RNF10: variants seen among roughly 807,000 people sequenced by gnomAD.
RNF10 encodes E3 ubiquitin-protein ligase RNF10.
Under a neutral mutation model 91.4 loss-of-function variants are expected in RNF10, and 38 were observed. The observed-to-expected ratio is 0.42, with a 90% CI of 0.32 to 0.54. RNF10 has a LOEUF of 0.54. Ranked by LOEUF, RNF10 falls within the 20% of genes least tolerant of loss-of-function variation. RNF10 has a pLI of 0.16. For missense variants in RNF10, 945 were observed against 1,012.0 expected (o/e 0.93, Z 0.90); for synonymous variants, 364 against 366.3 (o/e 0.99, Z 0.07).
chr12:120,556,663 T>G lies in RNF10; in HGVS notation c.646-619T>G, dbSNP rs1432112694. 2.6e-5 allele frequency among the ~76,000 whole-genome samples: 4 copies of G among 152,092 alleles called. No homozygotes were observed. The East Asian group carries it at 7.7e-4, about 29-fold the overall frequency. On this transcript the variant is annotated intron_variant, in intron 4 of 16. Coordinates refer to ENST00000325954, the MANE Select transcript of RNF10 (RefSeq NM_014868.5). ...AAATGAAGTCTTTTTAATGCGTTCT[T>G]TGTTGGAAGTTACTGGTAGATTACT...
intron 4 of RNF10, among the ~76,000 whole-genome samples, chr12:120,555,955 A>G (rs1873935463): frequency 6.6e-6 from 1 of 151,472 alleles, no homozygotes; most frequent in East Asian, 2.0e-4. Context: ...TGCCTGGCTA[A>G]TTTTTGTATT....
In RNF10 at chr12:120,546,539, C is replaced by CA; in HGVS notation, c.295dup (p.Arg99LysfsTer10). On this transcript the variant is annotated frameshift_variant, in exon 2 of 17. Transcript: ENST00000325954. LOFTEE classifies it high-confidence loss of function. Reference sequence around the variant, plus strand: ...CAAGACTTTTAACAAGATGCCTCCTCAAAGGGGCGGCGGCAGCAGCAAACT... The same window carrying CA: ...CAAGACTTTTAACAAGATGCCTCCTCAAAAGGGGCGGCGGCAGCAGCAAACT... The CA allele has an allele frequency of 6.2e-7, 1 of 1,614,190 alleles. No homozygotes were observed. Among genetic ancestry groups the CA allele is most frequent in the Non-Finnish European group, 8.5e-7 (1 of 1,180,032 alleles).
chr12:120,573,885 GC>G (rs1277040321), intron 14 of RNF10, among the ~76,000 whole-genome samples: 1 of 152,218 alleles, frequency 6.6e-6, no homozygotes, highest in Admixed American at 6.5e-5. Context: ...AGGCTGGAGT[GC>G]CCAGGGTTGT....
chr12:120,564,012 G>A (rs1875311175), intron 10 of RNF10, 69 bp downstream of exon 10: 1 of 1,574,430 alleles, frequency 6.4e-7, no homozygotes, highest in Non-Finnish European at 8.7e-7. Flanking sequence ...GGTAGGCCTA[G>A]CCATCCTAAG....
In RNF10 at chr12:120,566,900, C is replaced by T. The variant is rs749381533; in HGVS notation, c.1961C>T (p.Ser654Phe). ...AATTCTTATACCTGCTCCTCTGATT[C>T]TGCTTTGGGTCCCACCAGCACCGAG... Reference protein sequence around the residue: ...AFNSYTCSSDSALGPTSTEGH... With the variant: ...AFNSYTCSSDFALGPTSTEGH... The change falls in exon 13 of 17, where the codon TCT becomes TTT. Residue 654 changes from serine to phenylalanine, a missense_variant. By Grantham distance (155) the Ser-to-Phe change is radical. Coordinates refer to ENST00000325954, the MANE Select transcript of RNF10 (RefSeq NM_014868.5). 1 of 1,614,014 alleles carries T rather than the reference C, an allele frequency of 6.2e-7. No individual in the cohort carries two copies. Among genetic ancestry groups the T allele is most frequent in the South Asian group, 1.1e-5 (1 of 91,062 alleles).
chr12:120,567,024 T>C, intron 13 of RNF10, 44 bp downstream of exon 13: 1 of 1,570,068 alleles, frequency 6.4e-7, no homozygotes, highest in Non-Finnish European at 8.6e-7. Context: ...AGTTAGACCT[T>C]ATGCAAAGCT....
chr12:120,575,076 TAA>T (rs56774004), intron 14 of RNF10: 457 of 151,514 alleles, frequency 3.0e-3, no homozygotes, highest in South Asian at 7.4e-3. Flanking sequence ...CCGTCTCTAC[TAA>T]AAAAAAAAAA....
rs879239725 is a variant in RNF10, at chr12:120,557,373, G to C, written c.737G>C (p.Trp246Ser). Residue 246 changes from tryptophan (W) to serine (S), a missense_variant, in exon 5 of 17, where the codon TGG (tryptophan) becomes TCG (serine). Physicochemically the swap from Trp to Ser is radical, Grantham distance 177. Transcript: ENST00000325954. Reference sequence around the variant, plus strand: ...ACCCGTTGTGGACACATCTTCTGCTGGGCATGCATCCTGCACTATCTTTCA... The same window carrying C: ...ACCCGTTGTGGACACATCTTCTGCTCGGCATGCATCCTGCACTATCTTTCA... ...KITRCGHIFC[W>S]ACILHYLSLS... 6.2e-7 allele frequency: 1 copy of C among 1,614,150 alleles called. No homozygotes were observed. Among genetic ancestry groups the C allele is most frequent in the Non-Finnish European group, 8.5e-7 (1 of 1,180,034 alleles).
At position 120,552,620 on chromosome 12, in the gene RNF10, G is replaced by A; in HGVS notation, c.476G>A (p.Gly159Asp). The change falls in exon 3 of 17, where the codon GGC becomes GAC. Residue 159 changes from glycine to aspartate, a missense_variant. Coordinates refer to ENST00000325954, the MANE Select transcript of RNF10 (RefSeq NM_014868.5). ...EPRGQTGHFE[G>D]SGHGSWGKRN... Reference sequence around the variant, plus strand: ...CGTGGCCAGACGGGTCACTTTGAAGGCAGTGGACATGGTAGCTGGGGAAAG... The same window carrying A: ...CGTGGCCAGACGGGTCACTTTGAAGACAGTGGACATGGTAGCTGGGGAAAG... 1 of 1,614,162 alleles carries A rather than the reference G, an allele frequency of 6.2e-7. No homozygotes were observed. Among genetic ancestry groups the A allele is most frequent in the Non-Finnish European group, 8.5e-7 (1 of 1,180,020 alleles).
intron 1 of RNF10, among the ~76,000 whole-genome samples, chr12:120,543,245 G>A (rs1871826026): frequency 6.6e-6 from 1 of 152,122 alleles, no homozygotes; most frequent in Non-Finnish European, 1.5e-5. Flanking sequence ...AGGTACTTTA[G>A]TATAGTTATA....
intron 2 of RNF10, among the ~76,000 whole-genome samples, chr12:120,552,256 G>A (rs1189577511): frequency 6.6e-6 from 1 of 151,946 alleles, no homozygotes; most frequent in African/African-American, 2.4e-5. Context: ...TCAGCTGGGT[G>A]TGGTTTAATC....
chr12:120,565,648 A>G (rs769822261), intron 12 of RNF10, 119 bp downstream of exon 12: 18 of 772,832 alleles, frequency 2.3e-5, no homozygotes, highest in Non-Finnish European at 3.7e-5. Context: ...TTAAATGTGA[A>G]TCATGAGAGC....
At chr12:120,552,379 G>GACA in intron 2 of RNF10, 120 bp from the exon 3 acceptor site, 1 of 783,758 alleles carries the variant, frequency 1.3e-6, no homozygotes, top group South Asian at 1.8e-5. Context: ...CAGCCTGGAT[G>GACA]ACAGAGTAAG....
chr12:120,573,839 AC>A (rs989272865), intron 14 of RNF10, among the ~76,000 whole-genome samples: 1 of 152,196 alleles, frequency 6.6e-6, no homozygotes, highest in Non-Finnish European at 1.5e-5. Flanking sequence ...AACTGGACAC[AC>A]CAGCTACTTC....
chr12:120,570,514 T>C (rs889098213), intron 13 of RNF10, among the ~76,000 whole-genome samples: 2 of 152,144 alleles, frequency 1.3e-5, no homozygotes, highest in African/African-American at 4.8e-5. Flanking sequence ...TTAATGTATT[T>C]AAGCAAGAGC....
At chr12:120,563,158 C>G in intron 8 of RNF10, 88 bp downstream of exon 8, 1 of 1,579,348 alleles carries the variant, frequency 6.3e-7, no homozygotes, top group Non-Finnish European at 8.7e-7. Context: ...TAAACCTTCT[C>G]AAGAGAAGAG....
chr12:120,554,795 TTG>T lies in RNF10; in HGVS notation c.635_636del (p.Val212GlyfsTer7). 1.2e-6 allele frequency: 2 copies of T among 1,613,938 alleles called. No homozygotes were observed. The highest frequency in any genetic ancestry group is 2.2e-5 in the South Asian group (2 of 91,082). On this transcript the variant is annotated frameshift_variant, in exon 4 of 17. Coordinates refer to ENST00000325954, the MANE Select transcript of RNF10 (RefSeq NM_014868.5). LOFTEE classifies it high-confidence loss of function. ...CCTGATACATTAGTTAACTGGGACT[TTG>T]TGGAACAAGTGGTGAGTAGCTCAGC...
chr12:120,555,387 G>A (rs771579645), intron 4 of RNF10, among the ~76,000 whole-genome samples: 1 of 151,744 alleles, frequency 6.6e-6, no homozygotes, highest in Non-Finnish European at 1.5e-5. Context: ...TCACCTTGTT[G>A]GCCAGGCTGT....
chr12:120,555,977 C>CG (rs1458687616), intron 4 of RNF10, among the ~76,000 whole-genome samples: 1 of 151,220 alleles, frequency 6.6e-6, no homozygotes, highest in African/African-American at 2.4e-5. Flanking sequence ...TCATTAGAGA[C>CG]GGGGTTCCAC....
Sources: gnomAD v4.1 joint callset for allele counts (sites outside exome capture counted in the v4.1 genomes callset) on GRCh38, gnomAD v4.1.1 for gene constraint, MANE v1.5 for transcripts, NCBI Gene and HGNC (gene_info 2026-07-23, HGNC 2026-07-21) for gene names.